ADGRB3: variants seen among roughly 807,000 people sequenced by gnomAD.
ADGRB3 encodes the protein brain-specific angiogenesis inhibitor 3.
ADGRB3 carries 37 observed loss-of-function variants against 193.4 expected under a neutral mutation model. That is an observed-to-expected ratio of 0.19 (90% CI 0.15 to 0.25). The LOEUF (loss-of-function observed/expected upper bound fraction) is 0.25. Among genes scored for constraint, ADGRB3 ranks in the 10% least tolerant of loss-of-function variants. ADGRB3 has a pLI of 1.00. For synonymous variants in ADGRB3, 690 were observed against 644.2 expected (o/e 1.07, Z -1.08); for missense variants, 1,637 against 1,852.9 (o/e 0.88, Z 2.14).
rs187246806 is a variant in ADGRB3, at chr6:68,643,114, A to G, written c.757+3682A>G. On this transcript the variant is annotated intron_variant, in intron 3 of 31. Coordinates refer to ENST00000370598, the MANE Select transcript of ADGRB3 (RefSeq NM_001704.3). ...GAATCTTTGTTTCTTACTGACATCA[A>G]TGGTGCTACTTATGTGAAAGGAAAT... Among the ~76,000 whole-genome samples, 400 of 152,316 alleles carry G rather than the reference A, an allele frequency of 2.6e-3. 6 individuals carry two copies. Among genetic ancestry groups the G allele is most frequent in the Non-Finnish European group, 1.6e-3 (110 of 68,024 alleles).
intron 3 of ADGRB3, among the ~76,000 whole-genome samples, chr6:68,689,414 G>A (rs777359344): frequency 6.6e-6 from 1 of 152,162 alleles, no homozygotes; most frequent in Non-Finnish European, 1.5e-5. Flanking sequence ...GTACAAAGCA[G>A]AGCAGAGAAT....
At chr6:68,980,777 G>T (rs1052487985) in intron 10 of ADGRB3, among the ~76,000 whole-genome samples, 1 of 151,348 alleles carries the variant, frequency 6.6e-6, no homozygotes, top group Admixed American at 6.6e-5. Flanking sequence ...TGTGAGACAG[G>T]AGTTACCTGT....
At chr6:68,844,143 G>C (rs761288604) in intron 3 of ADGRB3, among the ~76,000 whole-genome samples, 2 of 152,012 alleles carry the variant, frequency 1.3e-5, no homozygotes, top group Non-Finnish European at 2.9e-5. Context: ...CCCACAAGTA[G>C]AGGCAACCAA....
intron 3 of ADGRB3, among the ~76,000 whole-genome samples, chr6:68,926,601 G>A (rs559332126): frequency 6.6e-5 from 10 of 152,190 alleles, no homozygotes; most frequent in African/African-American, 2.4e-4. Flanking sequence ...GACTTCAGTG[G>A]ACACGTAAAC....
At chr6:68,778,021 A>G (rs1194716316) in intron 3 of ADGRB3, among the ~76,000 whole-genome samples, 3 of 152,120 alleles carry the variant, frequency 2.0e-5, no homozygotes, top group Non-Finnish European at 2.9e-5. Context: ...TCAGTATGTA[A>G]AAGACTACAA....
At chr6:69,286,703 G>A (rs796469303) in intron 20 of ADGRB3, among the ~76,000 whole-genome samples, 10 of 152,136 alleles carry the variant, frequency 6.6e-5, no homozygotes, top group African/African-American at 2.4e-4. Flanking sequence ...AAAATAATAT[G>A]GTGTTTTAAA....
intron 20 of ADGRB3, among the ~76,000 whole-genome samples, chr6:69,297,913 G>A (rs950864657): frequency 3.9e-5 from 6 of 151,998 alleles, no homozygotes; most frequent in Admixed American, 6.6e-5. Flanking sequence ...TACAAAGACA[G>A]AGCTGATGGT....
At chr6:68,845,217 T>A (rs1473536278) in intron 3 of ADGRB3, among the ~76,000 whole-genome samples, 1 of 152,146 alleles carries the variant, frequency 6.6e-6, no homozygotes, top group Non-Finnish European at 1.5e-5. Context: ...TATCTCATGT[T>A]CCTCATAAAT....
intron 17 of ADGRB3, among the ~76,000 whole-genome samples, chr6:69,129,403 T>C (rs1392678624): frequency 2.0e-5 from 3 of 151,814 alleles, no homozygotes; most frequent in African/African-American, 7.3e-5. Flanking sequence ...AAAGAAAGAA[T>C]AGGAATTAAG....
chr6:68,958,510 A>G (rs1043453810), intron 8 of ADGRB3, among the ~76,000 whole-genome samples: 9 of 152,168 alleles, frequency 5.9e-5, no homozygotes, highest in African/African-American at 1.9e-4. Flanking sequence ...TCATCTGCAC[A>G]TATAGAGCCA....
chr6:69,298,660 T>C (rs1289556300), intron 20 of ADGRB3, among the ~76,000 whole-genome samples: 1 of 152,054 alleles, frequency 6.6e-6, no homozygotes, highest in Non-Finnish European at 1.5e-5. Context: ...TCTGGCTTAT[T>C]TCATTTACCA....
At chr6:69,320,486 T>C (rs966800778) in intron 20 of ADGRB3, among the ~76,000 whole-genome samples, 7 of 151,616 alleles carry the variant, frequency 4.6e-5, no homozygotes, top group Non-Finnish European at 1.0e-4. Context: ...TTATTGTTAG[T>C]GGTTTATATT....
intron 17 of ADGRB3, among the ~76,000 whole-genome samples, chr6:69,100,012 T>C (rs1458313330): frequency 6.6e-6 from 1 of 152,230 alleles, no homozygotes; most frequent in Non-Finnish European, 1.5e-5. Flanking sequence ...TTTTGGACTC[T>C]ATTTTGCAAG....
chr6:69,124,238 C>A (rs1209697798), intron 17 of ADGRB3, among the ~76,000 whole-genome samples: 1 of 151,978 alleles, frequency 6.6e-6, no homozygotes, highest in Admixed American at 6.6e-5. Context: ...CTTTTTGTGT[C>A]CCATTGAAAA....
At chr6:68,712,653 A>G (rs1186099970) in intron 3 of ADGRB3, among the ~76,000 whole-genome samples, 2 of 151,934 alleles carry the variant, frequency 1.3e-5, no homozygotes, top group African/African-American at 2.4e-5. Flanking sequence ...ACAGAGGGAA[A>G]AATATGAGAG....
chr6:69,144,895 C>CTTTCTTTCTTTCTTTCT (rs1774441271), intron 17 of ADGRB3, among the ~76,000 whole-genome samples: 1 of 150,392 alleles, frequency 6.6e-6, no homozygotes, highest in African/African-American at 2.5e-5. Context: ...TTCTTTCTTT[C>CTTTCTTTCTTTCTTTCT]TTTCTTTCTT....
At chr6:68,749,369 A>G (rs1766147409) in intron 3 of ADGRB3, among the ~76,000 whole-genome samples, 1 of 151,456 alleles carries the variant, frequency 6.6e-6, no homozygotes, top group Admixed American at 6.6e-5. Flanking sequence ...GTGATCATAT[A>G]AGTTAATACT....
At chr6:69,286,912 G>A (rs916887209) in intron 20 of ADGRB3, among the ~76,000 whole-genome samples, 1 of 152,156 alleles carries the variant, frequency 6.6e-6, no homozygotes, top group African/African-American at 2.4e-5. Context: ...CCTCTCTGAT[G>A]AGTTTAATGT....
At chr6:69,217,617 G>A (rs951204664) in intron 17 of ADGRB3, among the ~76,000 whole-genome samples, 8 of 152,282 alleles carry the variant, frequency 5.3e-5, no homozygotes, top group Admixed American at 5.2e-4. Context: ...CCAGCCCCAT[G>A]GGCTGCAGCA....
Sources: gnomAD v4.1 joint callset for allele counts (sites outside exome capture counted in the v4.1 genomes callset) on GRCh38, gnomAD v4.1.1 for gene constraint, MANE v1.5 for transcripts, NCBI Gene and HGNC (gene_info 2026-07-23, HGNC 2026-07-21) for gene names.